Variants in GALNTL6 observed in about 807,000 individuals in gnomAD.
GALNTL6 encodes polypeptide N-acetylgalactosaminyltransferase-like 6.
Under a neutral mutation model 73.7 loss-of-function variants are expected in GALNTL6, and 46 were observed. The ratio of observed to expected loss-of-function variants is 0.62; its 90% CI spans 0.49 to 0.80. GALNTL6 has a LOEUF of 0.80. Among genes scored for constraint, GALNTL6 ranks in the 30% least tolerant of loss-of-function variants. The pLI is 0.00. For synonymous variants in GALNTL6, 259 were observed against 263.7 expected, an observed-to-expected ratio of 0.98 and a Z score of 0.17; for missense variants, 604 against 755.0, an observed-to-expected ratio of 0.80 and a Z score of 2.34.
At chr4:172,124,412 G>A (rs1378206775) in intron 2 of GALNTL6, among the ~76,000 whole-genome samples, 2 of 152,110 alleles carry the variant, frequency 1.3e-5, no homozygotes, top group South Asian at 2.1e-4. Context: ...TGATACTGAG[G>A]AAGCTCATCA....
intron 2 of GALNTL6, among the ~76,000 whole-genome samples, chr4:172,203,737 GA>G (rs918458409): frequency 5.3e-4 from 80 of 152,084 alleles, no homozygotes; most frequent in African/African-American, 1.9e-3. Context: ...CATCTTGACA[GA>G]TTTTTTTTTA....
intron 5 of GALNTL6, among the ~76,000 whole-genome samples, chr4:172,447,896 G>A (rs1344335175): frequency 6.6e-6 from 1 of 152,118 alleles, no homozygotes; most frequent in African/African-American, 2.4e-5. Flanking sequence ...TAAGGAATAA[G>A]TTGTCTCCCA....
intron 5 of GALNTL6, among the ~76,000 whole-genome samples, chr4:172,500,412 C>G (rs1448100887): frequency 6.6e-6 from 1 of 152,018 alleles, no homozygotes; most frequent in Non-Finnish European, 1.5e-5. Flanking sequence ...CAGAGAGGGC[C>G]CCCATCTCAG....
At chr4:172,502,876 C>A (rs919274680) in intron 5 of GALNTL6, among the ~76,000 whole-genome samples, 1 of 152,188 alleles carries the variant, frequency 6.6e-6, no homozygotes. Context: ...GGCCTTCTTA[C>A]ACTTTCAGTC....
At chr4:173,020,200 T>C (rs1425708243) in intron 11 of GALNTL6, among the ~76,000 whole-genome samples, 1 of 152,186 alleles carries the variant, frequency 6.6e-6, no homozygotes, top group Non-Finnish European at 1.5e-5. Context: ...TGTTGTACAG[T>C]TCAAATAACT....
chr4:173,032,554 G>GC (rs901526237), intron 12 of GALNTL6, among the ~76,000 whole-genome samples: 1 of 152,170 alleles, frequency 6.6e-6, no homozygotes, highest in African/African-American at 2.4e-5. Flanking sequence ...GTGTGTGGTG[G>GC]CAGCACGCAT....
intron 3 of GALNTL6, among the ~76,000 whole-genome samples, chr4:172,254,843 C>A (rs1278610889): frequency 6.6e-6 from 1 of 151,694 alleles, no homozygotes; most frequent in African/African-American, 2.4e-5. Flanking sequence ...CTTCAACTTC[C>A]ATTTTAAACT....
chr4:172,047,031 A>C (rs981713006), intron 2 of GALNTL6, among the ~76,000 whole-genome samples: 2 of 152,154 alleles, frequency 1.3e-5, no homozygotes, highest in African/African-American at 4.8e-5. Context: ...ATTTTCTTTG[A>C]GAAAACTCCC....
chr4:172,688,836 A>C (rs958333455), intron 5 of GALNTL6, among the ~76,000 whole-genome samples: 1 of 152,138 alleles, frequency 6.6e-6, no homozygotes, highest in African/African-American at 2.4e-5. Context: ...CTCCCTTCTT[A>C]AAAGGCATTT....
chr4:172,583,774 G>A (rs1430698971), intron 5 of GALNTL6, among the ~76,000 whole-genome samples: 1 of 151,304 alleles, frequency 6.6e-6, no homozygotes, highest in East Asian at 2.0e-4. Context: ...GCACACGCCT[G>A]TAATCCCAGC....
At chr4:171,952,282 A>G (rs1738907732) in intron 2 of GALNTL6, among the ~76,000 whole-genome samples, 1 of 152,038 alleles carries the variant, frequency 6.6e-6, no homozygotes, top group East Asian at 1.9e-4. Context: ...ACGGCCCCAT[A>G]AGCATAAAGT....
chr4:171,951,850 G>T (rs1173296599), intron 2 of GALNTL6, among the ~76,000 whole-genome samples: 1 of 151,940 alleles, frequency 6.6e-6, no homozygotes, highest in Admixed American at 6.6e-5. Flanking sequence ...GAGGGATAAA[G>T]CTATAGCAAT....
intron 5 of GALNTL6, among the ~76,000 whole-genome samples, chr4:172,420,992 A>C (rs1242619586): frequency 6.6e-6 from 1 of 151,782 alleles, no homozygotes; most frequent in Admixed American, 6.6e-5. Flanking sequence ...GAGGGGAACC[A>C]GGGCCTGTCA....
At chr4:171,895,047 A>C (rs1736870086) in intron 2 of GALNTL6, among the ~76,000 whole-genome samples, 2 of 152,226 alleles carry the variant, frequency 1.3e-5, no homozygotes, top group African/African-American at 4.8e-5. Flanking sequence ...CACTTAGAAG[A>C]GACCATATAT....
intron 5 of GALNTL6, among the ~76,000 whole-genome samples, chr4:172,423,265 A>G (rs1731112962): frequency 6.6e-6 from 1 of 152,000 alleles, no homozygotes; most frequent in South Asian, 2.1e-4. Context: ...AATATGTCAC[A>G]TCATATCATT....
intron 2 of GALNTL6, among the ~76,000 whole-genome samples, chr4:172,007,734 A>G (rs1740881280): frequency 6.6e-6 from 1 of 152,164 alleles, no homozygotes; most frequent in Admixed American, 6.6e-5. Flanking sequence ...ATTTAAATGT[A>G]GATTATTAAA....
intron 4 of GALNTL6, among the ~76,000 whole-genome samples, chr4:172,329,199 G>C (rs1219912938): frequency 6.6e-6 from 1 of 152,206 alleles, no homozygotes; most frequent in Admixed American, 6.5e-5. Context: ...GACAGCAAAG[G>C]TGAGGGCTGC....
At chr4:172,004,018 G>A (rs957431557) in intron 2 of GALNTL6, among the ~76,000 whole-genome samples, 11 of 152,054 alleles carry the variant, frequency 7.2e-5, no homozygotes, top group Non-Finnish European at 1.5e-4. Context: ...TTCATAAATC[G>A]TTATCACTTG....
intron 10 of GALNTL6, among the ~76,000 whole-genome samples, chr4:172,962,251 T>C (rs1380765353): frequency 6.6e-6 from 1 of 152,224 alleles, no homozygotes; most frequent in African/African-American, 2.4e-5. Context: ...ACTGGCCATC[T>C]GGATGTGTAC....
Sources: allele counts gnomAD v4.1 joint callset (sites outside exome capture counted in the v4.1 genomes callset), GRCh38; gene constraint gnomAD v4.1.1; transcripts MANE v1.5; gene names NCBI Gene and HGNC (gene_info 2026-07-23, HGNC 2026-07-21).